The following SMAD2 variants were observed in gnomAD, a reference collection of about 807,000 sequenced individuals.
SMAD2 encodes SMAD family member 2, also known as MAD homolog 2.
In SMAD2, 8 loss-of-function variants were observed where a neutral mutation model predicts 64.4. The observed-to-expected ratio is 0.12, with a 90% CI of 0.07 to 0.22. The LOEUF is 0.22. SMAD2 is among the 10% of genes least tolerant of loss of function. The probability of loss-of-function intolerance (pLI) is 1.00; values close to 1 mark genes in which losing one functional copy is unlikely to be tolerated. For missense variants in SMAD2, 289 were observed against 561.2 expected (o/e 0.51, Z 4.90); for synonymous variants, 203 against 195.8 (o/e 1.04, Z -0.31).
chr18:47,862,050 G>T (rs1792675), intron 6 of SMAD2, among the ~76,000 whole-genome samples: 81,358 of 152,042 alleles, frequency 0.54, 22,380 homozygotes, highest in East Asian at 0.82. Flanking sequence ...GTTAAGAGGA[G>T]TAAGTCTTGT....
chr18:47,882,514 G>C (rs918766193), intron 2 of SMAD2: 1 of 152,144 alleles, frequency 6.6e-6, no homozygotes, highest in African/African-American at 2.4e-5. Context: ...ATTACTTTTT[G>C]AAAGTTATAA....
At chr18:47,864,923 A>C in intron 6 of SMAD2, 136 bp downstream of exon 6, 1 of 666,572 alleles carries the variant, frequency 1.5e-6, no homozygotes, top group Non-Finnish European at 2.7e-6. Context: ...GATATGTTAA[A>C]TCAAGATAGA....
At position 47,894,607 on chromosome 18, in the gene SMAD2, G is replaced by C. The variant is rs141012512; in HGVS notation, c.236+1914C>G. On this transcript the variant is annotated intron_variant, in intron 2 of 10. Transcript: ENST00000262160. Reference sequence around the variant, plus strand: ...CTTCTCCTAATTCCTCCTTTACCCCGCTCAACTCAAAATCACCAGTATTCC... The same window carrying C: ...CTTCTCCTAATTCCTCCTTTACCCCCCTCAACTCAAAATCACCAGTATTCC... Among the ~76,000 whole-genome samples, 57 of 152,100 alleles carry C rather than the reference G, an allele frequency of 3.7e-4. No homozygotes were observed. The East Asian group carries it at 9.3e-3, about 25-fold the overall frequency.
intron 1 of SMAD2, among the ~76,000 whole-genome samples, chr18:47,910,142 C>T (rs2034067321): frequency 6.8e-6 from 1 of 146,210 alleles, no homozygotes; most frequent in Admixed American, 6.9e-5. Flanking sequence ...CAGAGCCTAT[C>T]GAGGAAATCA....
intron 1 of SMAD2, among the ~76,000 whole-genome samples, chr18:47,903,813 T>C (rs2033785372): frequency 7.9e-6 from 1 of 126,964 alleles, no homozygotes; most frequent in Admixed American, 1.0e-4. Flanking sequence ...AAATGAGCAG[T>C]GAACTTGAAG....
chr18:47,843,305 A>G (rs1412107097), intron 10 of SMAD2, among the ~76,000 whole-genome samples: 1 of 152,106 alleles, frequency 6.6e-6, no homozygotes, highest in Non-Finnish European at 1.5e-5. Flanking sequence ...ACTGTTTCCT[A>G]GAGTTTCCCC....
intron 10 of SMAD2, chr18:47,844,941 T>A (rs778283151): frequency 1.1e-5 from 4 of 360,428 alleles, no homozygotes; most frequent in Non-Finnish European, 2.0e-5. Flanking sequence ...TTGTCAAGAT[T>A]ATCACTTCCC....
At chr18:47,863,934 C>CA (rs2031374813) in intron 6 of SMAD2, among the ~76,000 whole-genome samples, 1 of 152,050 alleles carries the variant, frequency 6.6e-6, no homozygotes, top group Non-Finnish European at 1.5e-5. Flanking sequence ...TCCTCACCAA[C>CA]ATTTGTTATT....
chr18:47,919,384 A>G (rs2034464603), intron 1 of SMAD2, among the ~76,000 whole-genome samples: 1 of 151,684 alleles, frequency 6.6e-6, no homozygotes, highest in Admixed American at 6.6e-5. Flanking sequence ...ACTCGAACCC[A>G]GGAGTGCAAG....
chr18:47,867,971 T>TG (rs935540537), intron 5 of SMAD2, among the ~76,000 whole-genome samples: 4 of 152,164 alleles, frequency 2.6e-5, no homozygotes, highest in Non-Finnish European at 4.4e-5. Flanking sequence ...TACATGTGTT[T>TG]GGGGGGTACT....
rs899214500 is a variant in SMAD2 at position 47,828,355 on chromosome 18, G to C, written c.*13472C>G. The C allele has an allele frequency of 1.1e-4, 16 of 152,156 alleles. No homozygotes were observed. Among genetic ancestry groups the C allele is most frequent in the African/African-American group, 3.8e-4 (14 of 36,474 alleles). The allele number at this position is 152,156 out of a possible 1,614,324, so 9.4% of individuals were successfully genotyped here. On this transcript the variant is annotated 3_prime_UTR_variant, in exon 11 of 11. Coordinates refer to ENST00000262160, the MANE Select transcript of SMAD2 (RefSeq NM_005901.6). ...CAGCATCCACCCCGTCCGGGAGGTGGGGGGGCGCCTCTGCCCAGCCGCCCC... is the reference window on the plus strand; with the variant it reads ...CAGCATCCACCCCGTCCGGGAGGTGCGGGGGCGCCTCTGCCCAGCCGCCCC...
At chr18:47,912,182 G>A (rs1434762935) in intron 1 of SMAD2, 1 of 152,212 alleles carries the variant, frequency 6.6e-6, no homozygotes, top group African/African-American at 2.4e-5. Flanking sequence ...AAAATACGGT[G>A]CACAGGAAGC....
intron 6 of SMAD2, among the ~76,000 whole-genome samples, chr18:47,863,955 G>A (rs1257542744): frequency 6.6e-6 from 1 of 151,944 alleles, no homozygotes; most frequent in Non-Finnish European, 1.5e-5. Flanking sequence ...GTCCTTTTTT[G>A]ATTATAGCAT....
In SMAD2 at chr18:47,930,574, A is replaced by AGAGGGGAGGG. The variant is rs1166970619; in HGVS notation, c.-277_-268dup. 14 of 135,076 alleles carry AGAGGGGAGGG rather than the reference A, an allele frequency of 1.0e-4. No homozygotes were observed. The highest frequency in any genetic ancestry group is 2.5e-4 in the South Asian group (1 of 4,068). 8.4% of individuals were successfully genotyped at this position (135,076 alleles called of 1,614,324 possible). On this transcript the variant is annotated 5_prime_UTR_variant, in exon 1 of 11. Transcript: ENST00000262160. ...CGGGCGCGCGGGAGGGTAGGGGAAG[A>AGAGGGGAGGG]GAGGGGAGGGGAGGGGAGGAGAGGG...
At chr18:47,856,253 T>C (rs2030670465) in intron 6 of SMAD2, among the ~76,000 whole-genome samples, 1 of 152,040 alleles carries the variant, frequency 6.6e-6, no homozygotes, top group South Asian at 2.1e-4. Context: ...ATATGTAAGA[T>C]ATGCCCAGAG....
Position 47,863,546 on chromosome 18 carries a change from C to T in SMAD2, c.730+1513G>A, listed in dbSNP as rs555360716. Reference sequence around the variant, plus strand: ...GTGTCTGTGCACTAAATTAGAATCCCTGCAGCCTTTTTTTTCTGGCTTATT... The same window carrying T: ...GTGTCTGTGCACTAAATTAGAATCCTTGCAGCCTTTTTTTTCTGGCTTATT... On this transcript the variant is annotated intron_variant, in intron 6 of 10. Transcript: ENST00000262160. Among the ~76,000 whole-genome samples, 4 of 152,012 alleles carry T rather than the reference C, an allele frequency of 2.6e-5. No homozygotes were observed. The East Asian group carries it at 7.7e-4, about 29-fold the overall frequency.
At chr18:47,920,709 T>C (rs950891196) in intron 1 of SMAD2, among the ~76,000 whole-genome samples, 1 of 152,238 alleles carries the variant, frequency 6.6e-6, no homozygotes, top group Admixed American at 6.5e-5. Flanking sequence ...TAAAATAAAT[T>C]ACAAATGTAG....
chr18:47,844,310 G>T (rs1487309528), intron 10 of SMAD2, among the ~76,000 whole-genome samples: 1 of 152,114 alleles, frequency 6.6e-6, no homozygotes, highest in Non-Finnish European at 1.5e-5. Flanking sequence ...AATAAATTTG[G>T]AAGGGACTAA....
chr18:47,901,256 T>C (rs954933571), intron 1 of SMAD2, among the ~76,000 whole-genome samples: 2 of 152,344 alleles, frequency 1.3e-5, no homozygotes, highest in Middle Eastern at 3.4e-3. Context: ...CACTATAAAA[T>C]GTAGTTCTCT....
Sources: allele counts gnomAD v4.1 joint callset (sites outside exome capture counted in the v4.1 genomes callset), GRCh38; gene constraint gnomAD v4.1.1; transcripts MANE v1.5; gene names NCBI Gene and HGNC (gene_info 2026-07-23, HGNC 2026-07-21).